Variants in VPS13B observed in about 807,000 individuals in gnomAD.
VPS13B encodes the protein intermembrane lipid transfer protein VPS13B.
Under a neutral mutation model 426.4 loss-of-function variants are expected in VPS13B, and 285 were observed. The ratio of observed to expected loss-of-function variants is 0.67; its 90% confidence interval spans 0.61 to 0.74. The LOEUF (loss-of-function observed/expected upper bound fraction) is 0.74, where lower values mean the gene tolerates loss of function less well. Ranked by LOEUF, VPS13B falls within the 30% of genes least tolerant of loss-of-function variation. The pLI, the probability that VPS13B is intolerant of heterozygous loss-of-function variation, is 0.00. For missense variants in VPS13B, 4,537 were observed against 4,782.6 expected (o/e 0.95, Z 1.51); for synonymous variants, 1,676 against 1,676.4 (o/e 1.00, Z 0.01).
chr8:99,021,393 C>T (rs868614323), intron 2 of VPS13B, among the ~76,000 whole-genome samples: 76 of 152,168 alleles, frequency 5.0e-4, no homozygotes, highest in Admixed American at 1.8e-3. Context: ...GAGGCCGAGG[C>T]GGGTGGATCA....
chr8:99,760,366 C>G (rs1810865713), intron 39 of VPS13B, among the ~76,000 whole-genome samples: 1 of 152,086 alleles, frequency 6.6e-6, no homozygotes. Flanking sequence ...GCTTTCAGCC[C>G]TTCAAAGAAA....
chr8:99,376,824 A>G (rs1813514649), intron 19 of VPS13B, among the ~76,000 whole-genome samples: 2 of 152,166 alleles, frequency 1.3e-5, no homozygotes, highest in Admixed American at 1.3e-4. Flanking sequence ...TTTCATCATA[A>G]TTAAAAAATA....
At chr8:99,584,902 CAG>C (rs1288978429) in intron 33 of VPS13B, among the ~76,000 whole-genome samples, 6 of 152,098 alleles carry the variant, frequency 3.9e-5, no homozygotes, top group African/African-American at 1.4e-4. Flanking sequence ...GTAGGGAAGA[CAG>C]ACAATAATAA....
intron 33 of VPS13B, among the ~76,000 whole-genome samples, chr8:99,625,525 T>C (rs1386732136): frequency 2.7e-5 from 4 of 150,476 alleles, no homozygotes; most frequent in Non-Finnish European, 5.9e-5. Context: ...CCAGCCTGGG[T>C]AACATAGTGA....
intron 58 of VPS13B, among the ~76,000 whole-genome samples, chr8:99,863,064 G>T (rs1010711962): frequency 1.3e-5 from 2 of 152,126 alleles, no homozygotes; most frequent in African/African-American, 4.8e-5. Context: ...TTGGGCTAGG[G>T]TGTTCAAGTC....
At chr8:99,088,888 T>A (rs1845988378) in intron 3 of VPS13B, among the ~76,000 whole-genome samples, 1 of 152,216 alleles carries the variant, frequency 6.6e-6, no homozygotes, top group African/African-American at 2.4e-5. Flanking sequence ...TTACCTTGCC[T>A]TGTTCAACTT....
In VPS13B at chr8:99,761,779, T is replaced by C. The variant is rs548173403; in HGVS notation, c.7051-4995T>C. Among the ~76,000 whole-genome samples, 19 of 152,296 alleles carry C rather than the reference T, an allele frequency of 1.2e-4. 2 individuals are homozygous for C. The highest frequency in any genetic ancestry group is 4.6e-4 in the African/African-American group (19 of 41,574). On this transcript the variant is annotated intron_variant, in intron 39 of 61. Coordinates refer to ENST00000357162, the MANE Select transcript of VPS13B (RefSeq NM_152564.5). ...TGATAGGCAATTTTATATTCTTTGT[T>C]GTACTTGTGTTTATGCAACATTTTA... is the stretch of plus-strand genomic sequence containing the variant.
intron 33 of VPS13B, among the ~76,000 whole-genome samples, chr8:99,590,497 A>G (rs1375992528): frequency 6.6e-6 from 1 of 152,160 alleles, no homozygotes; most frequent in African/African-American, 2.4e-5. Context: ...CCGTCTACAC[A>G]CTGCTTTAAA....
intron 22 of VPS13B, among the ~76,000 whole-genome samples, chr8:99,433,891 C>T (rs1423032125): frequency 1.3e-5 from 2 of 152,054 alleles, no homozygotes; most frequent in African/African-American, 2.4e-5. Context: ...ATTGCACCTT[C>T]GCCTCCCAGG....
At position 99,358,002 on chromosome 8, in the gene VPS13B, TCACA is replaced by T. The variant is rs34418547; in HGVS notation, c.2825-26176_2825-26173del. Reference sequence around the variant, plus strand: ...GATGGTTTATTTTGAGGATTAAATATCACACACACACACACACACACACACACAC... The same window carrying T: ...GATGGTTTATTTTGAGGATTAAATATCACACACACACACACACACACACAC... On this transcript the variant is annotated intron_variant, in intron 19 of 61. Transcript: ENST00000357162. 3.4e-3 allele frequency among the ~76,000 whole-genome samples: 491 copies of T among 144,402 alleles called. 2 individuals carry two copies. Among genetic ancestry groups the T allele is most frequent in the African/African-American group, 0.011 (419 of 39,498 alleles). The allele number at this position is 144,402 out of a possible 152,430, so 94.7% of individuals were successfully genotyped here.
chr8:99,148,153 TG>T (rs1810848755), intron 14 of VPS13B, 143 bp downstream of exon 14: 1 of 910,234 alleles, frequency 1.1e-6, no homozygotes, highest in African/African-American at 1.7e-5. Flanking sequence ...TGGGGCAGGA[TG>T]CACACTTGAG....
intron 30 of VPS13B, among the ~76,000 whole-genome samples, chr8:99,533,822 C>G (rs982543556): frequency 1.3e-5 from 2 of 152,080 alleles, no homozygotes; most frequent in African/African-American, 4.8e-5. Flanking sequence ...CTCCTAAAAC[C>G]TAGCTTATCA....
intron 61 of VPS13B, among the ~76,000 whole-genome samples, chr8:99,872,020 G>A (rs1032387029): frequency 1.3e-5 from 2 of 152,224 alleles, no homozygotes; most frequent in Non-Finnish European, 2.9e-5. Context: ...TGGGGTGCTC[G>A]ATGGACAGGA....
intron 2 of VPS13B, among the ~76,000 whole-genome samples, chr8:99,024,373 C>G (rs572158671): frequency 4.2e-4 from 64 of 152,312 alleles, no homozygotes; most frequent in African/African-American, 1.4e-3. Flanking sequence ...AAATATTTGT[C>G]TAGACCAAAG....
At chr8:99,708,955 G>A (rs1282302094) in intron 36 of VPS13B, among the ~76,000 whole-genome samples, 2 of 151,688 alleles carry the variant, frequency 1.3e-5, no homozygotes, top group African/African-American at 4.8e-5. Context: ...TCTGATCAAG[G>A]GCGGGGACGA....
At chr8:99,239,479 G>A (rs1816806810) in intron 17 of VPS13B, among the ~76,000 whole-genome samples, 1 of 151,984 alleles carries the variant, frequency 6.6e-6, no homozygotes, top group Non-Finnish European at 1.5e-5. Flanking sequence ...ATTTCACTTT[G>A]GTGTTTCTGG....
intron 39 of VPS13B, among the ~76,000 whole-genome samples, chr8:99,756,248 G>C (rs1465826592): frequency 6.6e-6 from 1 of 152,146 alleles, no homozygotes; most frequent in Non-Finnish European, 1.5e-5. Flanking sequence ...ACAAATTTAA[G>C]CAGGAAGAAG....
Position 99,360,212 on chromosome 8 carries a change from T to TC in VPS13B, c.2825-23996_2825-23995insC, listed in dbSNP as rs1812471529. ...TTTCTCTCTCTCTCTCTCTCTCTCTTTCTTTCTTTCTTTCTTTCTTTCTCT... is the reference window on the plus strand; with the variant it reads ...TTTCTCTCTCTCTCTCTCTCTCTCTTCTCTTTCTTTCTTTCTTTCTTTCTCT... On this transcript the variant is annotated intron_variant, in intron 19 of 61. Transcript: ENST00000357162. Among the ~76,000 whole-genome samples, 5 of 21,286 alleles carry TC rather than the reference T, an allele frequency of 2.3e-4. 1 individual carries two copies. The highest frequency in any genetic ancestry group is 3.6e-4 in the African/African-American group (2 of 5,570). The allele number at this position is 21,286 out of a possible 152,430, so 14.0% of individuals were successfully genotyped here. A position where few individuals can be genotyped will look rare whatever the true frequency, so the allele number is the denominator to read the frequency against.
chr8:99,494,962 A>G (rs1820810451), intron 25 of VPS13B, among the ~76,000 whole-genome samples: 1 of 151,992 alleles, frequency 6.6e-6, no homozygotes, highest in Non-Finnish European at 1.5e-5. Flanking sequence ...ATATTTGTTA[A>G]GTCAAACACT....
Sources: allele counts gnomAD v4.1 joint callset (sites outside exome capture counted in the v4.1 genomes callset), GRCh38; gene constraint gnomAD v4.1.1; transcripts MANE v1.5; gene names NCBI Gene and HGNC (gene_info 2026-07-23, HGNC 2026-07-21).